Variants in HIBADH observed in about 807,000 individuals in gnomAD.
HIBADH encodes 3-hydroxyisobutyrate dehydrogenase, also known as 3-hydroxyisobutyrate dehydrogenase, mitochondrial.
HIBADH carries 25 observed loss-of-function variants against 36.1 expected under a neutral mutation model. That is an observed-to-expected ratio of 0.69 (90% CI 0.50 to 0.97). HIBADH has a LOEUF of 0.97. Ranked by LOEUF, HIBADH falls within the 50% of genes least tolerant of loss-of-function variation. The probability of loss-of-function intolerance (pLI) is 0.00; values close to 1 mark genes in which losing one functional copy is unlikely to be tolerated. For synonymous variants in HIBADH, 160 were observed against 149.5 expected (o/e 1.07, Z -0.51); for missense variants, 421 against 418.0 (o/e 1.01, Z -0.06).
intron 4 of HIBADH, among the ~76,000 whole-genome samples, chr7:27,624,473 T>C (rs1016457778): frequency 6.6e-6 from 1 of 152,210 alleles, no homozygotes; most frequent in African/African-American, 2.4e-5. Flanking sequence ...ATATCAACTT[T>C]ATTGGCTGCA....
chr7:27,613,160 TATATATTTATATAA>T (rs953256636), intron 4 of HIBADH, among the ~76,000 whole-genome samples: 9 of 9,176 alleles, frequency 9.8e-4, no homozygotes, highest in African/African-American at 1.8e-3. Flanking sequence ...TATATAAATA[TATATATTTATATAA>T]ATATATTTAT....
intron 2 of HIBADH, among the ~76,000 whole-genome samples, chr7:27,646,553 T>C (rs1475085056): frequency 6.6e-6 from 1 of 151,996 alleles, no homozygotes; most frequent in East Asian, 1.9e-4. Flanking sequence ...TTTTTTCTTT[T>C]TAAGGCAAGG....
intron 4 of HIBADH, among the ~76,000 whole-genome samples, chr7:27,588,512 G>T (rs1418340390): frequency 6.6e-6 from 1 of 151,504 alleles, no homozygotes; most frequent in Non-Finnish European, 1.5e-5. Context: ...AAAATTGCTT[G>T]TAGAGGCAAG....
At position 27,632,442 on chromosome 7, in the gene HIBADH, C is replaced by A; in HGVS notation, c.256G>T (p.Val86Leu). 2 of 1,609,436 alleles carry A rather than the reference C, an allele frequency of 1.2e-6. No individual in the cohort carries two copies. The highest frequency in any genetic ancestry group is 1.7e-6 in the Non-Finnish European group (2 of 1,176,206). Residue 86 changes from valine to leucine, a missense_variant, in exon 3 of 8, where the codon GTA becomes TTA. Coordinates refer to ENST00000265395, the MANE Select transcript of HIBADH (RefSeq NM_152740.4). ...TCAGCAACATCTGCTGGGGAAGATA[C>A]TACCTTTAAAAAAAATTGCAAAGGC... ...KEFQDAGEQV[V>L]SSPADVAEKA...
rs781067802 is a variant in HIBADH at position 27,632,340 on chromosome 7, G to C, written c.358C>G (p.Leu120Val). 1.3e-6 allele frequency: 2 copies of C among 1,583,650 alleles called. No homozygotes were observed. The highest frequency in any genetic ancestry group is 2.2e-5 in the East Asian group (1 of 44,716). ...CCACAGGTGAGAAATACATACTTTA[G>C]AATCCCATTTGCTCCGGAATAAGCT... ...IEAYSGANGI[L>V]KKVKKGSLLI... Residue 120 changes from leucine (L) to valine (V), a missense_variant, in exon 3 of 8, where the codon CTA (leucine) becomes GTA (valine). Physicochemically the swap from Leu to Val is conservative, Grantham distance 32. Coordinates refer to ENST00000265395, the MANE Select transcript of HIBADH (RefSeq NM_152740.4).
chr7:27,567,826 AAT>A (rs1332110001), intron 4 of HIBADH, among the ~76,000 whole-genome samples: 1 of 152,144 alleles, frequency 6.6e-6, no homozygotes, highest in Non-Finnish European at 1.5e-5. Context: ...AAATTCCACC[AAT>A]GTTTTACAGA....
chr7:27,603,253 AC>A (rs1178638558), intron 4 of HIBADH, among the ~76,000 whole-genome samples: 6 of 152,144 alleles, frequency 3.9e-5, no homozygotes, highest in Non-Finnish European at 8.8e-5. Flanking sequence ...TAGTGTTAAA[AC>A]TGCAATGATG....
At chr7:27,634,305 G>A (rs10486550) in intron 2 of HIBADH, among the ~76,000 whole-genome samples, 6,634 of 152,094 alleles carry the variant, frequency 0.044, 458 homozygotes, top group African/African-American at 0.15. Flanking sequence ...GATATATAAT[G>A]AGGACTTGCT....
chr7:27,655,575 T>C (rs1786283770), intron 1 of HIBADH, among the ~76,000 whole-genome samples: 1 of 151,954 alleles, frequency 6.6e-6, no homozygotes, highest in Admixed American at 6.6e-5. Context: ...CATATCTATA[T>C]GGAAAAAATA....
intron 4 of HIBADH, among the ~76,000 whole-genome samples, chr7:27,548,481 G>A (rs563787133): frequency 5.3e-5 from 8 of 151,874 alleles, no homozygotes; most frequent in African/African-American, 1.9e-4. Context: ...CTATTAGAGG[G>A]CATACAGTTG....
chr7:27,602,800 CGT>C (rs1785154209), intron 4 of HIBADH, among the ~76,000 whole-genome samples: 1 of 152,004 alleles, frequency 6.6e-6, no homozygotes, highest in African/African-American at 2.4e-5. Flanking sequence ...TACATGCAAA[CGT>C]ACTTTCTCAT....
intron 4 of HIBADH, among the ~76,000 whole-genome samples, chr7:27,600,240 A>C (rs1030003): frequency 0.76 from 115,103 of 151,958 alleles, 44,023 homozygotes; most frequent in East Asian, 0.94. Context: ...TTCAAAAAAC[A>C]CATCACTCAA....
intron 1 of HIBADH, among the ~76,000 whole-genome samples, chr7:27,658,504 C>G (rs1007308563): frequency 6.6e-6 from 1 of 152,086 alleles, no homozygotes; most frequent in Admixed American, 6.5e-5. Flanking sequence ...ATCTTGATAA[C>G]CTTAAGTGCT....
chr7:27,651,894 G>T (rs1223510332), intron 1 of HIBADH, among the ~76,000 whole-genome samples: 1 of 152,168 alleles, frequency 6.6e-6, no homozygotes, highest in Non-Finnish European at 1.5e-5. Flanking sequence ...GGAACTTGAG[G>T]AATGTGGCAT....
intron 4 of HIBADH, among the ~76,000 whole-genome samples, chr7:27,578,443 T>C (rs1379289760): frequency 1.3e-5 from 2 of 151,938 alleles, no homozygotes; most frequent in East Asian, 1.9e-4. Context: ...AGACTCCTGA[T>C]AGCTGAGATT....
chr7:27,538,623 C>T, intron 5 of HIBADH, among the ~76,000 whole-genome samples: 1 of 152,082 alleles, frequency 6.6e-6, no homozygotes, highest in East Asian at 1.9e-4. Flanking sequence ...GGGTCTCCTC[C>T]ACTAGGTAAT....
intron 4 of HIBADH, among the ~76,000 whole-genome samples, chr7:27,628,316 A>T (rs1330007628): frequency 2.0e-5 from 3 of 152,080 alleles, no homozygotes; most frequent in Non-Finnish European, 2.9e-5. Flanking sequence ...AGTTCTTTAT[A>T]AAAAAATACG....
rs977942041 is a variant in HIBADH, at chr7:27,662,832, G to A, written c.-44C>T. 15 of 1,408,648 alleles carry A rather than the reference G, an allele frequency of 1.1e-5. No homozygotes were observed. Among genetic ancestry groups the A allele is most frequent in the Non-Finnish European group, 1.3e-5 (14 of 1,060,926 alleles). The allele number at this position is 1,408,648 out of a possible 1,614,324, so 87.3% of individuals were successfully genotyped here. A position where few individuals can be genotyped will look rare whatever the true frequency, so the allele number is the denominator to read the frequency against. On this transcript the variant is annotated 5_prime_UTR_variant, in exon 1 of 8. Coordinates refer to ENST00000265395, the MANE Select transcript of HIBADH (RefSeq NM_152740.4). Reference sequence around the variant, plus strand: ...CCCGCGGTGACCTCCGCCGCCTCCCGGAGGGCCCACAGACTGCGAGCGTGT... The same window carrying A: ...CCCGCGGTGACCTCCGCCGCCTCCCAGAGGGCCCACAGACTGCGAGCGTGT...
chr7:27,594,343 A>C (rs1014668570), intron 4 of HIBADH, among the ~76,000 whole-genome samples: 1 of 151,962 alleles, frequency 6.6e-6, no homozygotes, highest in Admixed American at 6.5e-5. Context: ...AGGTTTCACC[A>C]CATTGGTCAG....
Sources: gnomAD v4.1 joint callset for allele counts (sites outside exome capture counted in the v4.1 genomes callset) on GRCh38, gnomAD v4.1.1 for gene constraint, MANE v1.5 for transcripts, NCBI Gene and HGNC (gene_info 2026-07-23, HGNC 2026-07-21) for gene names.